TFEC: variants seen among roughly 807,000 people sequenced by gnomAD.
TFEC encodes the protein transcription factor EC, also known as class E basic helix-loop-helix protein 34.
TFEC carries 31 observed loss-of-function variants against 41.6 expected under a neutral mutation model. The observed-to-expected ratio is 0.74, with a 90% CI of 0.56 to 1.01. The LOEUF (loss-of-function observed/expected upper bound fraction) is 1.01, where lower values mean the gene tolerates loss of function less well. Ranked by LOEUF, TFEC falls within the 50% of genes least tolerant of loss-of-function variation. The pLI is 0.00. For missense variants in TFEC, 402 were observed against 404.1 expected (o/e 0.99, Z 0.04); for synonymous variants, 143 against 140.6 (o/e 1.02, Z -0.12).
chr7:116,009,723 T>C (rs1794928585), intron 1 of TFEC, among the ~76,000 whole-genome samples: 1 of 152,032 alleles, frequency 6.6e-6, no homozygotes, highest in African/African-American at 2.4e-5. Flanking sequence ...AATTCACTGA[T>C]TGATTCATTT....
At chr7:115,994,542 C>T (rs570947402) in intron 1 of TFEC, among the ~76,000 whole-genome samples, 2 of 152,216 alleles carry the variant, frequency 1.3e-5, no homozygotes, top group East Asian at 3.9e-4. Flanking sequence ...AAAAAGTGGG[C>T]AAAGGATATG....
chr7:116,037,821 C>T (rs1209151886), intron 3 of TFEC, among the ~76,000 whole-genome samples: 1 of 151,978 alleles, frequency 6.6e-6, no homozygotes, highest in East Asian at 1.9e-4. Flanking sequence ...ATCTTTAAAA[C>T]TGCATGAGGT....
intron 1 of TFEC, among the ~76,000 whole-genome samples, chr7:116,138,182 T>C (rs753794015): frequency 6.6e-6 from 1 of 152,138 alleles, no homozygotes; most frequent in African/African-American, 2.4e-5. Context: ...ATAAACTAAG[T>C]GTAATCAAAT....
chr7:115,946,401 G>GTC (rs1791554610), intron 6 of TFEC, among the ~76,000 whole-genome samples: 1 of 102,896 alleles, frequency 9.7e-6, no homozygotes, highest in Non-Finnish European at 2.2e-5. Context: ...CATAACGTGT[G>GTC]TGTGTGTGTG....
chr7:116,050,022 A>G (rs1266373920), intron 3 of TFEC, among the ~76,000 whole-genome samples: 3 of 152,234 alleles, frequency 2.0e-5, no homozygotes, highest in African/African-American at 7.2e-5. Flanking sequence ...CCACAAGAGA[A>G]AGCAGGAAAG....
At chr7:116,056,033 G>A (rs76466155) in intron 3 of TFEC, among the ~76,000 whole-genome samples, 3,048 of 151,954 alleles carry the variant, frequency 0.02, 90 homozygotes, top group African/African-American at 0.068. Flanking sequence ...GCAAAACCTG[G>A]ATATTACTGT....
At chr7:116,109,422 C>T (rs1415508039) in intron 3 of TFEC, among the ~76,000 whole-genome samples, 2 of 152,174 alleles carry the variant, frequency 1.3e-5, no homozygotes, top group East Asian at 3.9e-4. Flanking sequence ...AGGATATGAA[C>T]AGACATTTCT....
intron 2 of TFEC, among the ~76,000 whole-genome samples, chr7:115,981,859 C>A (rs940569734): frequency 1.3e-5 from 2 of 151,958 alleles, no homozygotes; most frequent in African/African-American, 4.8e-5. Flanking sequence ...AGAAGGAGAG[C>A]CCCGCCACCA....
At chr7:116,133,879 A>C (rs1798383335) in intron 1 of TFEC, among the ~76,000 whole-genome samples, 1 of 152,200 alleles carries the variant, frequency 6.6e-6, no homozygotes, top group South Asian at 2.1e-4. Flanking sequence ...TGAATTAGTT[A>C]AGCAGGTAAA....
At chr7:115,956,575 C>T in intron 4 of TFEC, 104 bp downstream of exon 4, 1 of 584,290 alleles carries the variant, frequency 1.7e-6, no homozygotes, top group Non-Finnish European at 2.6e-6. Context: ...TTTTTTGTAA[C>T]TGTTTTGTTA....
Position 115,980,069 on chromosome 7 carries a change from T to G in TFEC, c.180+4193A>C, listed in dbSNP as rs555597772. On this transcript the variant is annotated intron_variant, in intron 2 of 7. Coordinates refer to ENST00000265440, the MANE Select transcript of TFEC (RefSeq NM_012252.4). ...TTGAGAGTTGTGTAGTAAATATCAA[T>G]TTTCTTCTTCTTTCTTACTAATGTT... Among the ~76,000 whole-genome samples the G allele has an allele frequency of 1.2e-4, 18 of 152,294 alleles. No homozygotes were observed. In the South Asian group the frequency reaches 3.3e-3, roughly 28 times the overall value.
intron 1 of TFEC, among the ~76,000 whole-genome samples, chr7:116,019,040 G>A (rs1440480423): frequency 6.6e-6 from 1 of 152,082 alleles, no homozygotes; most frequent in East Asian, 1.9e-4. Context: ...GTGGAAGGGA[G>A]CAATGGGCAG....
At chr7:115,976,307 C>T (rs976881453) in intron 2 of TFEC, among the ~76,000 whole-genome samples, 2 of 152,002 alleles carry the variant, frequency 1.3e-5, no homozygotes, top group African/African-American at 2.4e-5. Flanking sequence ...TGCCTGTAGT[C>T]CCAGCTACTT....
At chr7:116,034,036 T>G (rs1303261034), upstream of TFEC, among the ~76,000 whole-genome samples, 4 of 152,118 alleles carry the variant, frequency 2.6e-5, no homozygotes, top group East Asian at 7.7e-4. Context: ...CACTTCCAAC[T>G]TACTTTCCCT....
At chr7:116,014,158 G>C (rs1226628954) in intron 1 of TFEC, among the ~76,000 whole-genome samples, 1 of 151,922 alleles carries the variant, frequency 6.6e-6, no homozygotes, top group African/African-American at 2.4e-5. Flanking sequence ...TCACAAGAAA[G>C]AAGAATGAAA....
At chr7:116,110,606 T>A (rs1797831550) in intron 3 of TFEC, 1 of 881,700 alleles carries the variant, frequency 1.1e-6, no homozygotes, top group Non-Finnish European at 1.5e-6. Flanking sequence ...ATTCTTGTTT[T>A]TTTCCTTCAA....
At chr7:115,993,214 A>G (rs1325095697) in intron 1 of TFEC, among the ~76,000 whole-genome samples, 1 of 152,218 alleles carries the variant, frequency 6.6e-6, no homozygotes, top group African/African-American at 2.4e-5. Flanking sequence ...TCTCAAAATA[A>G]TAAGAGCTAT....
intron 3 of TFEC, among the ~76,000 whole-genome samples, chr7:116,098,961 G>A (rs1350648860): frequency 1.3e-5 from 2 of 152,020 alleles, no homozygotes; most frequent in Non-Finnish European, 2.9e-5. Context: ...CATAGATTTA[G>A]AAGCAAAAGT....
intron 3 of TFEC, among the ~76,000 whole-genome samples, chr7:116,072,218 G>T (rs899109173): frequency 6.6e-6 from 1 of 151,294 alleles, no homozygotes; most frequent in Non-Finnish European, 1.5e-5. Flanking sequence ...AATTTTCTAT[G>T]TATAAGACCA....
Sources: gnomAD v4.1 joint callset for allele counts (sites outside exome capture counted in the v4.1 genomes callset) on GRCh38, gnomAD v4.1.1 for gene constraint, MANE v1.5 for transcripts, NCBI Gene and HGNC (gene_info 2026-07-23, HGNC 2026-07-21) for gene names.